The following KSR2 variants were observed in gnomAD, a reference collection of about 807,000 sequenced individuals.
The protein encoded by KSR2 is kinase suppressor of ras 2.
In KSR2, 25 loss-of-function variants were observed where a neutral mutation model predicts 107.8. The observed-to-expected ratio is 0.23, with a 90% confidence interval of 0.17 to 0.32. The LOEUF (loss-of-function observed/expected upper bound fraction) is 0.32, where lower values mean the gene tolerates loss of function less well. Ranked by LOEUF, KSR2 falls within the 10% of genes least tolerant of loss-of-function variation. KSR2 has a pLI of 1.00. For synonymous variants in KSR2, 480 were observed against 507.0 expected (o/e 0.95, Z 0.71); for missense variants, 887 against 1,268.9 (o/e 0.70, Z 4.57).
At chr12:117,821,020 C>T (rs1186608375) in intron 3 of KSR2, among the ~76,000 whole-genome samples, 1 of 152,164 alleles carries the variant, frequency 6.6e-6, no homozygotes. Context: ...TCTGCCACTC[C>T]TTCTCTGTGA....
intron 3 of KSR2, among the ~76,000 whole-genome samples, chr12:117,835,817 C>G (rs1213311946): frequency 2.0e-5 from 3 of 151,988 alleles, no homozygotes; most frequent in Non-Finnish European, 4.4e-5. Context: ...TTGAGAAACC[C>G]TAGGGGCTAG....
At position 117,855,581 on chromosome 12, in the gene KSR2, AGAG is replaced by A; in HGVS notation, c.322-6_322-4del. On this transcript the variant is annotated splice_polypyrimidine_tract_variant and splice_region_variant and intron_variant, in intron 2 of 19. Coordinates refer to ENST00000339824, the MANE Select transcript of KSR2 (RefSeq NM_173598.6). ...CTCAGCTGGCCGGGGGAGATTTCCTAGAGGAGGGGAGAAGGATTGTCAACCGTG... is the reference window on the plus strand; with the variant it reads ...CTCAGCTGGCCGGGGGAGATTTCCTAGAGGGGAGAAGGATTGTCAACCGTG... 1 of 1,613,750 alleles carries A rather than the reference AGAG, an allele frequency of 6.2e-7. No individual in the cohort carries two copies. Among genetic ancestry groups the A allele is most frequent in the Non-Finnish European group, 8.5e-7 (1 of 1,179,814 alleles).
At chr12:117,960,097 C>G (rs1469452414) in intron 1 of KSR2, among the ~76,000 whole-genome samples, 2 of 151,996 alleles carry the variant, frequency 1.3e-5, no homozygotes, top group Non-Finnish European at 2.9e-5. Flanking sequence ...AAGCATGTTC[C>G]CATCCAAGAA....
At chr12:117,627,511 G>C (rs1262499037) in intron 5 of KSR2, among the ~76,000 whole-genome samples, 1 of 152,184 alleles carries the variant, frequency 6.6e-6, no homozygotes, top group Non-Finnish European at 1.5e-5. Context: ...TTTTCTTTAA[G>C]AATGTTGAAC....
intron 1 of KSR2, among the ~76,000 whole-genome samples, chr12:117,883,228 C>T (rs778151805): frequency 2.0e-5 from 3 of 152,200 alleles, no homozygotes; most frequent in Non-Finnish European, 4.4e-5. Flanking sequence ...TCACATCAGG[C>T]ATATCAGGCC....
intron 6 of KSR2, among the ~76,000 whole-genome samples, chr12:117,580,418 T>A (rs1254709213): frequency 1.3e-5 from 2 of 152,210 alleles, no homozygotes; most frequent in African/African-American, 4.8e-5. Flanking sequence ...ATTTCACTCA[T>A]CAGCCAGCCA....
At chr12:117,507,485 G>C (rs886930913) in intron 14 of KSR2, among the ~76,000 whole-genome samples, 1 of 152,196 alleles carries the variant, frequency 6.6e-6, no homozygotes, top group Non-Finnish European at 1.5e-5. Context: ...AAAGCCAAAT[G>C]TCAAATTCAG....
At chr12:117,479,187 C>A (rs762777706) in intron 16 of KSR2, among the ~76,000 whole-genome samples, 3 of 152,158 alleles carry the variant, frequency 2.0e-5, no homozygotes, top group Non-Finnish European at 2.9e-5. Context: ...TGGATATACT[C>A]GACTTTTTGT....
intron 5 of KSR2, among the ~76,000 whole-genome samples, chr12:117,656,986 ATATATATAT>A (rs1565947167): frequency 2.4e-4 from 7 of 28,876 alleles, no homozygotes; most frequent in African/African-American, 5.8e-4. Flanking sequence ...AATAGGATAT[ATATATATAT>A]ATATATATAT....
chr12:117,747,617 A>G (rs1014194782), intron 4 of KSR2, among the ~76,000 whole-genome samples: 2 of 152,136 alleles, frequency 1.3e-5, no homozygotes, highest in Non-Finnish European at 2.9e-5. Flanking sequence ...AAATAAAATA[A>G]TTAATTAATT....
intron 14 of KSR2, among the ~76,000 whole-genome samples, chr12:117,508,150 C>G (rs527405150): frequency 1.3e-5 from 2 of 152,340 alleles, no homozygotes; most frequent in East Asian, 1.9e-4. Flanking sequence ...ATGTTTATAT[C>G]AGGGAATGTG....
intron 3 of KSR2, among the ~76,000 whole-genome samples, chr12:117,803,691 A>G (rs1374477986): frequency 2.0e-5 from 3 of 152,196 alleles, no homozygotes; most frequent in Non-Finnish European, 2.9e-5. Flanking sequence ...CAACAGAGTG[A>G]AACTCCGTCT....
rs1170391814 is a variant in KSR2 at position 117,453,541 on chromosome 12, T to C, written c.*13658A>G. ...TTATATATATAATATATATGTATAA[T>C]ATTTATAGGTCTATATACTTTGTGT... is the stretch of plus-strand genomic sequence containing the variant. On this transcript the variant is annotated 3_prime_UTR_variant, in exon 20 of 20. Coordinates refer to ENST00000339824, the MANE Select transcript of KSR2 (RefSeq NM_173598.6). 2 of 151,988 alleles carry C rather than the reference T, an allele frequency of 1.3e-5. No individual in the cohort carries two copies. The highest frequency in any genetic ancestry group is 4.8e-5 in the African/African-American group (2 of 41,378). 9.4% of individuals were successfully genotyped at this position (151,988 alleles called of 1,614,324 possible). A position where few individuals can be genotyped will look rare whatever the true frequency, so the allele number is the denominator to read the frequency against.
intron 1 of KSR2, among the ~76,000 whole-genome samples, chr12:117,947,875 C>T (rs1896246748): frequency 6.6e-6 from 1 of 151,932 alleles, no homozygotes; most frequent in Non-Finnish European, 1.5e-5. Flanking sequence ...GAAAAGAAGA[C>T]TTAAATAAAT....
chr12:117,757,648 G>A (rs770885839), intron 4 of KSR2, among the ~76,000 whole-genome samples: 2 of 152,150 alleles, frequency 1.3e-5, no homozygotes, highest in African/African-American at 4.8e-5. Context: ...TTGATCAGTC[G>A]GCAGCCATCA....
chr12:117,792,276 G>A (rs968950191), intron 3 of KSR2, among the ~76,000 whole-genome samples: 13 of 152,116 alleles, frequency 8.5e-5, no homozygotes, highest in African/African-American at 1.9e-4. Flanking sequence ...CTTAAGCCCG[G>A]GAGGTCGAGG....
intron 7 of KSR2, among the ~76,000 whole-genome samples, chr12:117,576,824 T>TTG (rs1368345802): frequency 2.7e-4 from 41 of 150,252 alleles, no homozygotes; most frequent in African/African-American, 4.6e-4. Context: ...TTTTATTTAT[T>TTG]TGTGTGTGTG....
intron 3 of KSR2, among the ~76,000 whole-genome samples, chr12:117,802,771 A>G (rs2137025773): frequency 6.6e-6 from 1 of 152,120 alleles, no homozygotes; most frequent in Admixed American, 6.5e-5. Context: ...CTTTGGAATC[A>G]GGGTTTGCCA....
chr12:117,638,953 C>G (rs1009460320), intron 5 of KSR2, among the ~76,000 whole-genome samples: 1 of 151,948 alleles, frequency 6.6e-6, no homozygotes, highest in Non-Finnish European at 1.5e-5. Flanking sequence ...CAACAAAGTA[C>G]GATCGATAAA....
Sources: gnomAD v4.1 joint callset for allele counts (sites outside exome capture counted in the v4.1 genomes callset) on GRCh38, gnomAD v4.1.1 for gene constraint, MANE v1.5 for transcripts, NCBI Gene and HGNC (gene_info 2026-07-23, HGNC 2026-07-21) for gene names.